Variants in ZNF688 observed in about 807,000 individuals in gnomAD.
The protein encoded by ZNF688 is zinc finger protein 688.
In ZNF688, 10 loss-of-function variants were observed where a neutral mutation model predicts 13.2. The observed-to-expected ratio is 0.76, with a 90% CI of 0.47 to 1.28. The LOEUF (loss-of-function observed/expected upper bound fraction) is 1.28, where lower values mean the gene tolerates loss of function less well. Among genes scored for constraint, ZNF688 ranks in the 50% most tolerant of loss-of-function variants. The pLI, the probability that ZNF688 is intolerant of heterozygous loss-of-function variation, is 0.00. For missense variants in ZNF688, 381 were observed against 391.4 expected (o/e 0.97, Z 0.22); for synonymous variants, 160 against 159.4 (o/e 1.00, Z -0.03).
At chr16:30,572,536 A>G (rs1333646405), upstream of ZNF688, 2 of 390,892 alleles carry the variant, frequency 5.1e-6, no homozygotes, top group Non-Finnish European at 9.1e-6. Context: ...TGGAATCGGA[A>G]TGGGGAAGTT....
chr16:30,571,710 C>T lies in ZNF688; in HGVS notation c.-81G>A, dbSNP rs948948911. The T allele has an allele frequency of 4.4e-6, 6 of 1,350,654 alleles. No individual in the cohort carries two copies. Among genetic ancestry groups the T allele is most frequent in the Non-Finnish European group, 5.7e-6 (6 of 1,057,168 alleles). 83.7% of individuals were successfully genotyped at this position (1,350,654 alleles called of 1,614,324 possible). The stretch of plus-strand genomic sequence containing the variant: ...GCTCCCGGCCTCAGCTGTCGTTGTC[C>T]ACAGGAAGGGCGGCCCCGCCCAGCC... On this transcript the variant is annotated 5_prime_UTR_variant, in exon 1 of 3. Transcript: ENST00000223459.
chr16:30,569,856 C>A lies in ZNF688; in HGVS notation c.*60G>T, dbSNP rs944098671. 4.7e-6 allele frequency: 7 copies of A among 1,492,876 alleles called. No individual in the cohort carries two copies. In the Admixed American group the frequency reaches 1.7e-4, roughly 35 times the overall value. The allele number at this position is 1,492,876 out of a possible 1,614,324, so 92.5% of individuals were successfully genotyped here. ...CGGAGTCCCCGACTCAGTGGCCCAC[C>A]TCAGGGATCCGTCAGTCCTTCGTGC... On this transcript the variant is annotated 3_prime_UTR_variant, in exon 3 of 3. Coordinates refer to ENST00000223459, the MANE Select transcript of ZNF688 (RefSeq NM_145271.4).
In ZNF688 at chr16:30,570,397, A is replaced by G. The variant is rs374633072; in HGVS notation, c.350T>C (p.Val117Ala). 12 of 1,613,258 alleles carry G rather than the reference A, an allele frequency of 7.4e-6. No individual in the cohort carries two copies. The highest frequency in any genetic ancestry group is 1.7e-5 in the Admixed American group (1 of 59,958). ...CTTTCTAGGCCCTTTGGCTCTTGGG[A>G]CTTCCTCCGGTTCCTCTTCCTTCCT... is the stretch of plus-strand genomic sequence containing the variant. ...PNRKEEEPEE[V>A]PRAKGPRKAP... is the part of the protein sequence containing the mutation. The change falls in exon 3 of 3, where the codon GTC (valine) becomes GCC (alanine). Residue 117 changes from valine to alanine, a missense_variant. By Grantham distance (64) the Val-to-Ala change is moderately conservative. Coordinates refer to ENST00000223459, the MANE Select transcript of ZNF688 (RefSeq NM_145271.4).
upstream of ZNF688, chr16:30,572,067 AGAG>A: frequency 1.4e-6 from 2 of 1,462,298 alleles, no homozygotes; most frequent in African/African-American, 1.4e-5. Context: ...TCTGGGAAGT[AGAG>A]GAGAGGCTTC....
At position 30,570,031 on chromosome 16, in the gene ZNF688, C is replaced by A; in HGVS notation, c.716G>T (p.Gly239Val). The A allele has an allele frequency of 1.9e-6, 3 of 1,611,066 alleles. No homozygotes were observed. Among genetic ancestry groups the A allele is most frequent in the South Asian group, 1.1e-5 (1 of 90,962 alleles). ...GATCCCAGGCCTCCGGCCCCGCCGC[C>A]CCCCGGAGCAGGAGCGGTGGATCCA... ...HQWIHRSCSG[G>V]RRGRRPGIRA... Residue 239 changes from glycine to valine, a missense_variant, in exon 3 of 3, where the codon GGG becomes GTG. Coordinates refer to ENST00000223459, the MANE Select transcript of ZNF688 (RefSeq NM_145271.4).
At chr16:30,570,940 C>A (rs754815400) in intron 2 of ZNF688, 70 bp downstream of exon 2, 1 of 1,485,200 alleles carries the variant, frequency 6.7e-7, no homozygotes, top group Non-Finnish European at 9.4e-7. Flanking sequence ...GAAGTGGGGG[C>A]CTGAAAAGAA....
At chr16:30,572,945 TG>T (rs1222665615), upstream of ZNF688, among the ~76,000 whole-genome samples, 1 of 151,950 alleles carries the variant, frequency 6.6e-6, no homozygotes, top group Non-Finnish European at 1.5e-5. Context: ...TATCTCGGCT[TG>T]CCCAGGCTGG....
upstream of ZNF688, chr16:30,572,307 C>G (rs1464098013): frequency 7.0e-7 from 1 of 1,428,310 alleles, no homozygotes; most frequent in Non-Finnish European, 9.2e-7. Flanking sequence ...CCCCTACGGT[C>G]TCTTACCGTG....
chr16:30,573,107 T>C (rs2151232729), upstream of ZNF688, among the ~76,000 whole-genome samples: 1 of 151,680 alleles, frequency 6.6e-6, no homozygotes, highest in Middle Eastern at 3.4e-3. Context: ...GGTTTCTCCA[T>C]ATTAAGTCAG....
chr16:30,571,199 G>A, intron 1 of ZNF688, 76 bp from the exon 2 acceptor site: 1 of 1,517,928 alleles, frequency 6.6e-7, no homozygotes, highest in South Asian at 1.3e-5. Flanking sequence ...CAGGCTGAGG[G>A]CACCCCCTCG....
upstream of ZNF688, among the ~76,000 whole-genome samples, chr16:30,576,970 T>C (rs2051753279): frequency 1.3e-5 from 2 of 151,862 alleles, no homozygotes; most frequent in Non-Finnish European, 2.9e-5. Context: ...CTCTCCATGA[T>C]ACCCAGGCTG....
chr16:30,572,389 G>A (rs2051701615), upstream of ZNF688: 2 of 1,208,174 alleles, frequency 1.7e-6, no homozygotes, highest in Admixed American at 3.6e-5. Context: ...GGCAAACCAT[G>A]TGTACACCCG....
upstream of ZNF688, chr16:30,572,386 C>T (rs1336759433): frequency 2.4e-6 from 3 of 1,236,298 alleles, no homozygotes; most frequent in Non-Finnish European, 3.2e-6. Context: ...CCTGGCAAAC[C>T]ATGTGTACAC....
At chr16:30,572,891 G>A (rs1310018534), upstream of ZNF688, among the ~76,000 whole-genome samples, 1 of 151,472 alleles carries the variant, frequency 6.6e-6, no homozygotes, top group Admixed American at 6.6e-5. Flanking sequence ...TTTTCTTTGA[G>A]AAGGAGTTTT....
At chr16:30,570,938 G>A in intron 2 of ZNF688, 72 bp downstream of exon 2, 6 of 1,468,460 alleles carry the variant, frequency 4.1e-6, no homozygotes, top group Non-Finnish European at 5.7e-6. Flanking sequence ...TGGAAGTGGG[G>A]GCCTGAAAAG....
At chr16:30,572,412 G>A, upstream of ZNF688, 1 of 1,023,742 alleles carries the variant, frequency 9.8e-7, no homozygotes. Flanking sequence ...GTAGAAGCAG[G>A]TGCGTGTTTT....
At chr16:30,579,573 G>C in the ZNF688 span, 1 of 297,308 alleles carries the variant, frequency 3.4e-6, no homozygotes, top group Admixed American at 4.1e-5. Flanking sequence ...TAGAGATGGG[G>C]TTTCACTATA....
chr16:30,570,247 G>T lies in ZNF688; in HGVS notation c.500C>A (p.Pro167His), dbSNP rs780320306. ...AAWDPTTGAQ[P>H]PAPIPSMDAQ... ...ATCCATGCTGGGTATGGGTGCCGGG[G>T]GCTGTGCTCCTGTGGTCGGGTCCCA... is the stretch of plus-strand genomic sequence containing the variant. The change falls in exon 3 of 3, where the codon CCC (proline) becomes CAC (histidine). Residue 167 changes from proline to histidine, a missense_variant. Physicochemically the swap from Pro to His is moderately conservative, Grantham distance 77. Transcript: ENST00000223459. 1 of 1,613,604 alleles carries T rather than the reference G, an allele frequency of 6.2e-7. No individual in the cohort carries two copies. Among genetic ancestry groups the T allele is most frequent in the Non-Finnish European group, 8.5e-7 (1 of 1,179,896 alleles).
At chr16:30,577,482 C>A (rs534614634), upstream of ZNF688, among the ~76,000 whole-genome samples, 3 of 150,670 alleles carry the variant, frequency 2.0e-5, no homozygotes, top group African/African-American at 7.3e-5. Context: ...CTGGTTCAAG[C>A]GATTCTCTTG....
Sources: gnomAD v4.1 joint callset for allele counts (sites outside exome capture counted in the v4.1 genomes callset) on GRCh38, gnomAD v4.1.1 for gene constraint, MANE v1.5 for transcripts, NCBI Gene and HGNC (gene_info 2026-07-23, HGNC 2026-07-21) for gene names.